The following XRCC4 variants were observed in gnomAD, a reference collection of about 807,000 sequenced individuals.
XRCC4 encodes the protein X-ray repair cross complementing 4, also known as DNA repair protein XRCC4.
In XRCC4, 28 loss-of-function variants were observed where a neutral mutation model predicts 39.1. The observed-to-expected ratio is 0.72, with a 90% confidence interval of 0.53 to 0.98. XRCC4 has a LOEUF of 0.98. Ranked by LOEUF, XRCC4 falls within the 50% of genes least tolerant of loss-of-function variation. XRCC4 has a pLI of 0.00. For synonymous variants in XRCC4, 123 were observed against 126.4 expected (o/e 0.97, Z 0.18); for missense variants, 350 against 376.4 (o/e 0.93, Z 0.58).
At chr5:83,279,066 TAATAA>T (rs1400980172) in intron 7 of XRCC4, among the ~76,000 whole-genome samples, 3 of 145,070 alleles carry the variant, frequency 2.1e-5, no homozygotes, top group Non-Finnish European at 4.5e-5. Context: ...ATAATATATA[TAATAA>T]AATATAATAT....
intron 7 of XRCC4, among the ~76,000 whole-genome samples, chr5:83,287,335 T>A (rs899745293): frequency 2.0e-4 from 31 of 152,148 alleles, no homozygotes; most frequent in Middle Eastern, 6.8e-3. Flanking sequence ...TTACAAACAA[T>A]CTAAAACCCA....
intron 3 of XRCC4, among the ~76,000 whole-genome samples, chr5:83,121,940 C>T (rs1486754133): frequency 2.0e-5 from 3 of 151,986 alleles, no homozygotes; most frequent in African/African-American, 7.3e-5. Flanking sequence ...TTATTGAATT[C>T]CCTGCTGAAT....
the XRCC4 span, among the ~76,000 whole-genome samples, chr5:83,369,298 A>C: frequency 6.6e-6 from 1 of 152,170 alleles, no homozygotes; most frequent in African/African-American, 2.4e-5. Flanking sequence ...GGATTGTTAC[A>C]GAGGAATTTT....
At chr5:83,145,518 C>A (rs1034564493) in intron 3 of XRCC4, among the ~76,000 whole-genome samples, 29 of 152,154 alleles carry the variant, frequency 1.9e-4, no homozygotes, top group African/African-American at 7.0e-4. Flanking sequence ...AATTTCAGGT[C>A]AGTTCTTTTA....
intron 3 of XRCC4, among the ~76,000 whole-genome samples, chr5:83,179,609 C>T (rs1464943579): frequency 6.6e-6 from 1 of 152,152 alleles, no homozygotes; most frequent in Non-Finnish European, 1.5e-5. Context: ...AAAATGTCTT[C>T]TATGCCCCAG....
chr5:83,195,720 C>G, intron 3 of XRCC4, 50 bp from the exon 4 acceptor site: 2 of 1,487,686 alleles, frequency 1.3e-6, no homozygotes, highest in Non-Finnish European at 1.8e-6. Context: ...AACCAGGCTT[C>G]TCAATCTTGA....
intron 3 of XRCC4, among the ~76,000 whole-genome samples, chr5:83,193,821 G>T (rs1261584779): frequency 6.6e-6 from 1 of 152,224 alleles, no homozygotes; most frequent in South Asian, 2.1e-4. Flanking sequence ...TTTATGTTTT[G>T]CTATTGTAAC....
chr5:83,107,998 A>G (rs944484928), intron 2 of XRCC4, among the ~76,000 whole-genome samples: 2 of 151,906 alleles, frequency 1.3e-5, no homozygotes, highest in Non-Finnish European at 2.9e-5. Flanking sequence ...AAGGAAAAAA[A>G]TCTTCTTTCC....
intron 7 of XRCC4, among the ~76,000 whole-genome samples, chr5:83,338,677 T>C (rs1248720839): frequency 2.0e-5 from 3 of 152,178 alleles, no homozygotes; most frequent in Non-Finnish European, 4.4e-5. Flanking sequence ...AATGGAACCA[T>C]GTGTTATAGG....
At chr5:83,162,386 A>G (rs1274078311) in intron 3 of XRCC4, among the ~76,000 whole-genome samples, 3 of 152,104 alleles carry the variant, frequency 2.0e-5, no homozygotes, top group African/African-American at 7.2e-5. Flanking sequence ...TCATTAGTGA[A>G]TTGGGGTTGG....
chr5:83,175,977 A>T (rs1484155152), intron 3 of XRCC4, among the ~76,000 whole-genome samples: 4 of 152,104 alleles, frequency 2.6e-5, no homozygotes, highest in Non-Finnish European at 5.9e-5. Context: ...ACAGTGAGCT[A>T]TGATTCCACC....
At chr5:83,256,708 A>G (rs1479995438) in intron 6 of XRCC4, among the ~76,000 whole-genome samples, 1 of 152,128 alleles carries the variant, frequency 6.6e-6, no homozygotes, top group South Asian at 2.1e-4. Flanking sequence ...AGGCTAATAA[A>G]AAAAGTCCTA....
At chr5:83,188,520 A>T (rs375204925) in intron 3 of XRCC4, among the ~76,000 whole-genome samples, 41 of 152,288 alleles carry the variant, frequency 2.7e-4, no homozygotes, top group East Asian at 1.9e-3. Flanking sequence ...TGGGTGCTTT[A>T]TAAAGAAAAG....
At chr5:83,211,836 A>T (rs949503151) in intron 6 of XRCC4, among the ~76,000 whole-genome samples, 1 of 152,238 alleles carries the variant, frequency 6.6e-6, no homozygotes, top group Non-Finnish European at 1.5e-5. Flanking sequence ...TACCACAGGT[A>T]AGTTAATAAA....
chr5:83,320,807 CTTTT>C (rs869118508), intron 7 of XRCC4, among the ~76,000 whole-genome samples: 1 of 116,976 alleles, frequency 8.5e-6, no homozygotes, highest in African/African-American at 3.5e-5. Flanking sequence ...TTATGTACTT[CTTTT>C]TTTTTTTTTT....
At chr5:83,145,039 G>T (rs971439535) in intron 3 of XRCC4, among the ~76,000 whole-genome samples, 8 of 152,076 alleles carry the variant, frequency 5.3e-5, no homozygotes, top group Non-Finnish European at 4.4e-5. Context: ...GGGACTACAG[G>T]CACCCGCCAC....
At chr5:83,200,048 A>G (rs911078416) in intron 4 of XRCC4, among the ~76,000 whole-genome samples, 12 of 152,058 alleles carry the variant, frequency 7.9e-5, no homozygotes, top group African/African-American at 2.7e-4. Flanking sequence ...AAATGTTCTC[A>G]CCTAACAGTT....
At chr5:83,189,336 T>A (rs1750592781) in intron 3 of XRCC4, among the ~76,000 whole-genome samples, 1 of 152,254 alleles carries the variant, frequency 6.6e-6, no homozygotes, top group African/African-American at 2.4e-5. Context: ...ACTTTTGCAA[T>A]TATTAAGACC....
intron 6 of XRCC4, among the ~76,000 whole-genome samples, chr5:83,246,773 T>G (rs1753118171): frequency 6.6e-6 from 1 of 152,180 alleles, no homozygotes; most frequent in Non-Finnish European, 1.5e-5. Flanking sequence ...TCCTTTAAAG[T>G]AACAGTTTGT....
Sources: gnomAD v4.1 joint callset for allele counts (sites outside exome capture counted in the v4.1 genomes callset) on GRCh38, gnomAD v4.1.1 for gene constraint, MANE v1.5 for transcripts, NCBI Gene and HGNC (gene_info 2026-07-23, HGNC 2026-07-21) for gene names.